The following ZNF710 variants were observed in gnomAD, a reference collection of about 807,000 sequenced individuals.
The protein encoded by ZNF710 is zinc finger protein 710.
ZNF710 carries 13 observed loss-of-function variants against 50.6 expected under a neutral mutation model. That is an observed-to-expected ratio of 0.26 (90% CI 0.17 to 0.41). ZNF710 has a LOEUF of 0.41. Among genes scored for constraint, ZNF710 ranks in the 10% least tolerant of loss-of-function variants. The probability of loss-of-function intolerance (pLI) is 1.00; values close to 1 mark genes in which losing one functional copy is unlikely to be tolerated. For missense variants in ZNF710, 721 were observed against 936.6 expected, an observed-to-expected ratio of 0.77 and a Z score of 3.01; for synonymous variants, 383 against 397.0, an observed-to-expected ratio of 0.96 and a Z score of 0.42.
intron 4 of ZNF710, chr15:90,076,144 G>A (rs529005579): frequency 1.3e-5 from 2 of 152,344 alleles, no homozygotes; most frequent in Non-Finnish European, 2.9e-5. Context: ...GAGAACCTTT[G>A]ATCCAGACTG....
Position 90,068,676 on chromosome 15 carries a change from G to T in ZNF710, c.1458+81G>T, listed in dbSNP as rs1459046546. ...CCAGTACTTTCCAAAGTCCCAGATG[G>T]GACCATTTAGGTGGTCTCCTAGTTT... is the stretch of plus-strand genomic sequence containing the variant. On this transcript the variant is annotated intron_variant, in intron 2 of 4. Coordinates refer to ENST00000268154, the MANE Select transcript of ZNF710 (RefSeq NM_198526.4). This position sits in a 1 kb window ranked among gnomAD's most constrained non-coding sequence, Gnocchi z 5.0. 2 of 1,438,494 alleles carry T rather than the reference G, an allele frequency of 1.4e-6. No homozygotes were observed. The highest frequency in any genetic ancestry group is 1.4e-5 in the African/African-American group (1 of 70,410). 89.1% of individuals were successfully genotyped at this position (1,438,494 alleles called of 1,614,324 possible). A position where few individuals can be genotyped will look rare whatever the true frequency, so the allele number is the denominator to read the frequency against.
Position 90,074,007 on chromosome 15 carries a change from A to C in ZNF710, c.1651-109A>C, listed in dbSNP as rs1039279185. 4.3e-5 allele frequency: 53 copies of C among 1,245,332 alleles called. No homozygotes were observed. In the African/African-American group the frequency reaches 6.5e-4, roughly 15 times the overall value. 77.1% of individuals were successfully genotyped at this position (1,245,332 alleles called of 1,614,324 possible). ...TCTGTCTCAAAAAAAAAACAAAAAA[A>C]AAAAACAAAAGAATAGGATTCTGGC... On this transcript the variant is annotated intron_variant, in intron 3 of 4. Transcript: ENST00000268154.
chr15:90,031,772 C>G (rs1224556288), intron 1 of ZNF710, among the ~76,000 whole-genome samples: 4 of 152,204 alleles, frequency 2.6e-5, no homozygotes, highest in African/African-American at 9.6e-5. Context: ...CCCAAATCCA[C>G]TGGATCTGGG....
rs73486399 is a variant in ZNF710, at chr15:90,081,267, G to C, written c.*1438G>C. On this transcript the variant is annotated 3_prime_UTR_variant, in exon 5 of 5. Transcript: ENST00000268154. ...ACGCCAGCTCCTGCCCCTGGAACCA[G>C]AGATGACAGGCCCAGGGCAGTGAAA... 1,323 of 143,400 alleles carry C rather than the reference G, an allele frequency of 9.2e-3. 8 individuals are homozygous for C. The highest frequency in any genetic ancestry group is 0.019 in the African/African-American group (737 of 38,460). The allele number at this position is 143,400 out of a possible 1,614,324, so 8.9% of individuals were successfully genotyped here. A position where few individuals can be genotyped will look rare whatever the true frequency, so the allele number is the denominator to read the frequency against.
chr15:90,077,638 G>A (rs1273520327), intron 4 of ZNF710, among the ~76,000 whole-genome samples: 1 of 152,182 alleles, frequency 6.6e-6, no homozygotes, highest in Non-Finnish European at 1.5e-5. Flanking sequence ...AAATCTATAA[G>A]ATATGGGTCA....
At chr15:90,049,372 C>T (rs1899566984) in intron 1 of ZNF710, among the ~76,000 whole-genome samples, 2 of 152,162 alleles carry the variant, frequency 1.3e-5, no homozygotes, top group Non-Finnish European at 2.9e-5. Flanking sequence ...GCCGGAGGGG[C>T]CTCAACCCCA....
Position 90,079,888 on chromosome 15 carries a change from G to GGGCTGCAGGCTGCACC in ZNF710, c.*60_*75dup. The GGGCTGCAGGCTGCACC allele has an allele frequency of 6.7e-7, 1 of 1,490,328 alleles. No individual in the cohort carries two copies. The highest frequency in any genetic ancestry group is 1.4e-5 in the South Asian group (1 of 73,336). The allele number at this position is 1,490,328 out of a possible 1,614,324, so 92.3% of individuals were successfully genotyped here. A position where few individuals can be genotyped will look rare whatever the true frequency, so the allele number is the denominator to read the frequency against. On this transcript the variant is annotated 3_prime_UTR_variant, in exon 5 of 5. Coordinates refer to ENST00000268154, the MANE Select transcript of ZNF710 (RefSeq NM_198526.4). ...GCGAGGGCATGGGGGTGAGACCCAT[G>GGGCTGCAGGCTGCACC]GGCTGCAGGCTGCACCTCCTGCAGC...
intron 1 of ZNF710, among the ~76,000 whole-genome samples, chr15:90,058,579 G>T (rs1393663309): frequency 6.6e-6 from 1 of 151,992 alleles, no homozygotes; most frequent in African/African-American, 2.4e-5. Flanking sequence ...GGCCCCCTCT[G>T]TTCCTCTGCA....
At chr15:90,063,270 G>A (rs1900067267) in intron 1 of ZNF710, among the ~76,000 whole-genome samples, 1 of 152,202 alleles carries the variant, frequency 6.6e-6, no homozygotes, top group African/African-American at 2.4e-5. Context: ...CACGGGCCTG[G>A]CTGCAGACCC....
At chr15:90,027,382 G>A (rs1241702182) in intron 1 of ZNF710, among the ~76,000 whole-genome samples, 1 of 151,936 alleles carries the variant, frequency 6.6e-6, no homozygotes, top group East Asian at 1.9e-4. Flanking sequence ...GCTAATTCTT[G>A]TATTTTTAGT....
At chr15:90,045,740 T>G (rs560795116) in intron 1 of ZNF710, among the ~76,000 whole-genome samples, 1 of 152,196 alleles carries the variant, frequency 6.6e-6, no homozygotes, top group East Asian at 1.9e-4. Context: ...GACATAGATC[T>G]GGCCCCAGTT....
chr15:90,045,939 G>A (rs1222210788), intron 1 of ZNF710, among the ~76,000 whole-genome samples: 1 of 152,138 alleles, frequency 6.6e-6, no homozygotes, highest in East Asian at 1.9e-4. Flanking sequence ...CGGGCAGCGG[G>A]CCTGGAAGAC....
chr15:90,050,265 GC>G (rs1899598382), intron 1 of ZNF710, among the ~76,000 whole-genome samples: 1 of 152,224 alleles, frequency 6.6e-6, no homozygotes, highest in Non-Finnish European at 1.5e-5. Flanking sequence ...GCTGCCAGGG[GC>G]TCTGCTGGCA....
intron 1 of ZNF710, chr15:90,024,908 C>T (rs1898730297): frequency 6.6e-6 from 1 of 152,224 alleles, no homozygotes; most frequent in Non-Finnish European, 1.5e-5. Context: ...GGCCAGAGTT[C>T]CTCTGAATTC....
At chr15:90,051,639 AT>A (rs1158259999) in intron 1 of ZNF710, among the ~76,000 whole-genome samples, 3 of 152,186 alleles carry the variant, frequency 2.0e-5, no homozygotes, top group Admixed American at 6.5e-5. Context: ...TCTCAAAATA[AT>A]AATAATAATT....
At chr15:90,011,164 A>AC (rs1030262544) in intron 1 of ZNF710, among the ~76,000 whole-genome samples, 2 of 151,938 alleles carry the variant, frequency 1.3e-5, no homozygotes, top group Non-Finnish European at 2.9e-5. Flanking sequence ...TCCTGACCTC[A>AC]CGTGATCCAC....
intron 1 of ZNF710, among the ~76,000 whole-genome samples, chr15:90,015,636 T>C (rs1406140653): frequency 2.0e-5 from 3 of 150,332 alleles, no homozygotes; most frequent in Middle Eastern, 3.4e-3. Flanking sequence ...GCTCTTGTCA[T>C]CCAGGCTGGA....
At chr15:90,003,110 G>A (rs1204377816) in intron 1 of ZNF710, among the ~76,000 whole-genome samples, 2 of 152,258 alleles carry the variant, frequency 1.3e-5, no homozygotes, top group African/African-American at 4.8e-5. Context: ...TCCTGACCTC[G>A]TGATCCGCCC....
intron 1 of ZNF710, among the ~76,000 whole-genome samples, chr15:90,049,698 TCTCTCCTTCCCAGG>T (rs924797969): frequency 6.6e-6 from 1 of 152,024 alleles, no homozygotes; most frequent in African/African-American, 2.4e-5. Context: ...CCCTCTTCCG[TCTCTCCTTCCCAGG>T]CCCCACTGCC....
Sources: gnomAD v4.1 joint callset for allele counts (sites outside exome capture counted in the v4.1 genomes callset) on GRCh38, gnomAD v4.1.1 for gene constraint, Gnocchi (gnomAD v3.1) non-coding constraint, MANE v1.5 for transcripts, NCBI Gene and HGNC (gene_info 2026-07-23, HGNC 2026-07-21) for gene names.